Variants in GALNT13 observed in about 807,000 individuals in gnomAD.
GALNT13 encodes the protein polypeptide N-acetylgalactosaminyltransferase 13.
In GALNT13, 28 loss-of-function variants were observed where a neutral mutation model predicts 64.2. The observed-to-expected ratio is 0.44, with a 90% CI of 0.32 to 0.60. The LOEUF (loss-of-function observed/expected upper bound fraction) is 0.60. GALNT13 is among the 20% of genes least tolerant of loss of function. The pLI, the probability that GALNT13 is intolerant of heterozygous loss-of-function variation, is 0.05. For synonymous variants in GALNT13, 214 were observed against 224.6 expected (o/e 0.95, Z 0.42); for missense variants, 577 against 669.8 (o/e 0.86, Z 1.53).
chr2:154,126,710 G>C (rs2105532917), intron 3 of GALNT13, among the ~76,000 whole-genome samples: 1 of 152,120 alleles, frequency 6.6e-6, no homozygotes, highest in South Asian at 2.1e-4. Context: ...CCACAATCTT[G>C]AGATTTTGTG....
the GALNT13 span, among the ~76,000 whole-genome samples, chr2:153,847,001 A>G: frequency 6.6e-6 from 1 of 152,268 alleles, no homozygotes; most frequent in South Asian, 2.1e-4. Flanking sequence ...TATAAGAGAC[A>G]CATCTTAAAT....
At chr2:154,294,275 C>A (rs1344278050) in intron 8 of GALNT13, among the ~76,000 whole-genome samples, 3 of 152,136 alleles carry the variant, frequency 2.0e-5, no homozygotes, top group Admixed American at 2.0e-4. Context: ...ACAGGTTTTC[C>A]TTGTCTTACA....
chr2:153,466,831 G>A, the GALNT13 span, among the ~76,000 whole-genome samples: 1 of 151,906 alleles, frequency 6.6e-6, no homozygotes, highest in Non-Finnish European at 1.5e-5. Context: ...GAGTCTTTTT[G>A]TATCTAAATG....
At chr2:153,301,309 C>CAAAAAAAAAAAAAAAAAAAAAAA in the GALNT13 span, among the ~76,000 whole-genome samples, 1 of 76,430 alleles carries the variant, frequency 1.3e-5, no homozygotes, top group African/African-American at 6.7e-5. Flanking sequence ...GACTCCTTCT[C>CAAAAAAAAAAAAAAAAAAAAAAA]AAAAAAAAAG....
the GALNT13 span, among the ~76,000 whole-genome samples, chr2:153,514,388 G>T: frequency 5.3e-5 from 8 of 151,998 alleles, no homozygotes; most frequent in Non-Finnish European, 1.0e-4. Flanking sequence ...GAAAGCATTT[G>T]GTCATTTTAT....
rs1450308010 is a variant in GALNT13, at chr2:153,884,785, A to ATATATATATATATATATG, written c.-177+12483_-177+12484insATATATATATATATATGT. On this transcript the variant is annotated intron_variant, in intron 1 of 12. Transcript: ENST00000392825. ...AATACGAATATATATATATATATAT[A>ATATATATATATATATATG]TGTGTGTGTATATATATATATGTGT... is the stretch of plus-strand genomic sequence containing the variant. Among the ~76,000 whole-genome samples the ATATATATATATATATATG allele has an allele frequency of 1.2e-3, 146 of 122,484 alleles. 1 individual carries two copies. Among genetic ancestry groups the ATATATATATATATATATG allele is most frequent in the African/African-American group, 4.9e-3 (141 of 28,592 alleles). 80.4% of individuals were successfully genotyped at this position (122,484 alleles called of 152,430 possible).
the GALNT13 span, among the ~76,000 whole-genome samples, chr2:153,069,526 C>T: frequency 3.9e-5 from 6 of 152,150 alleles, no homozygotes; most frequent in African/African-American, 1.4e-4. Flanking sequence ...CGCCTTTGAT[C>T]CTCAGAATTA....
At chr2:153,880,438 C>T (rs11890942) in intron 1 of GALNT13, among the ~76,000 whole-genome samples, 38,662 of 151,646 alleles carry the variant, frequency 0.25, 7,042 homozygotes, top group East Asian at 0.88. Context: ...AATTCTAAAC[C>T]CCCAATAATG....
intron 3 of GALNT13, among the ~76,000 whole-genome samples, chr2:154,007,099 T>C (rs571120197): frequency 6.6e-6 from 1 of 152,168 alleles, no homozygotes; most frequent in African/African-American, 2.4e-5. Flanking sequence ...CTTCAAGGAG[T>C]GACTGAGACA....
chr2:154,207,294 C>G (rs1055188282), intron 4 of GALNT13, among the ~76,000 whole-genome samples: 5 of 152,194 alleles, frequency 3.3e-5, no homozygotes, highest in Admixed American at 6.5e-5. Context: ...ATCTCCATAA[C>G]CTGCTCTTCT....
chr2:153,602,123 G>A, the GALNT13 span, among the ~76,000 whole-genome samples: 1 of 151,978 alleles, frequency 6.6e-6, no homozygotes, highest in East Asian at 1.9e-4. Flanking sequence ...CCTCTATTGT[G>A]TATCTGGCTT....
chr2:153,086,713 A>T, the GALNT13 span, among the ~76,000 whole-genome samples: 2 of 149,740 alleles, frequency 1.3e-5, no homozygotes, highest in East Asian at 1.9e-4. Flanking sequence ...ATTTTATTTT[A>T]TTTATTTTAT....
At chr2:153,252,258 A>C in the GALNT13 span, among the ~76,000 whole-genome samples, 2,778 of 128,886 alleles carry the variant, frequency 0.022, 136 homozygotes, top group African/African-American at 0.085. Context: ...TTTTGGCTGC[A>C]TAAATGTCTT....
At chr2:153,269,975 G>A in the GALNT13 span, among the ~76,000 whole-genome samples, 4 of 152,144 alleles carry the variant, frequency 2.6e-5, no homozygotes, top group Non-Finnish European at 5.9e-5. Flanking sequence ...TACAATTCAA[G>A]ATGAGATTTG....
chr2:153,259,584 T>C, the GALNT13 span, among the ~76,000 whole-genome samples: 7 of 152,300 alleles, frequency 4.6e-5, no homozygotes, highest in East Asian at 1.2e-3. Flanking sequence ...TTTTCTGTGA[T>C]ATTCTCATGA....
chr2:153,447,592 T>C, the GALNT13 span, among the ~76,000 whole-genome samples: 1 of 152,238 alleles, frequency 6.6e-6, no homozygotes, highest in Non-Finnish European at 1.5e-5. Flanking sequence ...AGCCTATGCA[T>C]ATGCCTTACC....
chr2:153,721,537 C>T, the GALNT13 span, among the ~76,000 whole-genome samples: 90 of 149,778 alleles, frequency 6.0e-4, 2 homozygotes, highest in South Asian at 4.5e-3. Context: ...AGAGTCAAGA[C>T]CCATCAGTGT....
At chr2:153,386,754 A>T in the GALNT13 span, among the ~76,000 whole-genome samples, 1 of 152,090 alleles carries the variant, frequency 6.6e-6, no homozygotes, top group African/African-American at 2.4e-5. Flanking sequence ...TTATAATTGG[A>T]TACAGCACTT....
the GALNT13 span, among the ~76,000 whole-genome samples, chr2:153,665,247 C>T: frequency 6.6e-6 from 1 of 152,148 alleles, no homozygotes; most frequent in Non-Finnish European, 1.5e-5. Context: ...GAAACAATAA[C>T]AACCCAATAT....
Sources: gnomAD v4.1 joint callset for allele counts (sites outside exome capture counted in the v4.1 genomes callset) on GRCh38, gnomAD v4.1.1 for gene constraint, MANE v1.5 for transcripts, NCBI Gene and HGNC (gene_info 2026-07-23, HGNC 2026-07-21) for gene names.